Variants in BTBD9 observed in about 807,000 individuals in gnomAD.
BTBD9 encodes BTB domain containing 9.
Under a neutral mutation model 64.3 loss-of-function variants are expected in BTBD9, and 49 were observed. That is an observed-to-expected ratio of 0.76 (90% CI 0.61 to 0.97). The LOEUF is 0.97. BTBD9 is among the 50% of genes least tolerant of loss of function. The pLI, the probability that BTBD9 is intolerant of heterozygous loss-of-function variation, is 0.00. For missense variants in BTBD9, 598 were observed against 762.1 expected, an observed-to-expected ratio of 0.78 and a Z score of 2.53; for synonymous variants, 260 against 274.7, an observed-to-expected ratio of 0.95 and a Z score of 0.53.
chr6:38,475,240 T>C (rs1770826069), intron 6 of BTBD9, among the ~76,000 whole-genome samples: 4 of 152,180 alleles, frequency 2.6e-5, no homozygotes, highest in African/African-American at 7.2e-5. Flanking sequence ...TTATGGGTGA[T>C]TTTTACCATC....
intron 9 of BTBD9, among the ~76,000 whole-genome samples, chr6:38,221,730 C>T (rs993775072): frequency 4.6e-5 from 7 of 152,286 alleles, no homozygotes; most frequent in East Asian, 3.9e-4. Context: ...CGGTGGCTCA[C>T]GCCTGTAATC....
At chr6:38,552,062 G>C (rs1774822465) in intron 6 of BTBD9, among the ~76,000 whole-genome samples, 1 of 152,144 alleles carries the variant, frequency 6.6e-6, no homozygotes, top group Non-Finnish European at 1.5e-5. Context: ...ATCACAAGCT[G>C]AATGAAAATC....
At chr6:38,276,377 T>C (rs1188239479) in intron 8 of BTBD9, among the ~76,000 whole-genome samples, 2 of 151,446 alleles carry the variant, frequency 1.3e-5, no homozygotes, top group African/African-American at 4.8e-5. Context: ...AGGGATAGCA[T>C]TAGGAGATAT....
At chr6:38,281,673 T>C (rs1482069576) in intron 8 of BTBD9, among the ~76,000 whole-genome samples, 3 of 152,176 alleles carry the variant, frequency 2.0e-5, no homozygotes, top group African/African-American at 7.2e-5. Flanking sequence ...ACATATTGCA[T>C]TTATATAATA....
At chr6:38,603,247 C>A (rs1777320221) in intron 1 of BTBD9, among the ~76,000 whole-genome samples, 1 of 152,144 alleles carries the variant, frequency 6.6e-6, no homozygotes, top group Non-Finnish European at 1.5e-5. Context: ...ATTCTGGGAC[C>A]TCATATGAAT....
intron 6 of BTBD9, among the ~76,000 whole-genome samples, chr6:38,530,290 C>T (rs183447735): frequency 6.6e-6 from 1 of 152,290 alleles, no homozygotes; most frequent in East Asian, 1.9e-4. Context: ...ATCAGTGGTT[C>T]TGCTTTTTCC....
At chr6:38,368,391 G>A (rs1765274896) in intron 6 of BTBD9, among the ~76,000 whole-genome samples, 1 of 152,060 alleles carries the variant, frequency 6.6e-6, no homozygotes, top group South Asian at 2.1e-4. Context: ...CTAGAGTGCA[G>A]TGGCGTGATC....
intron 1 of BTBD9, among the ~76,000 whole-genome samples, chr6:38,616,039 T>C (rs1777776420): frequency 6.6e-6 from 1 of 152,168 alleles, no homozygotes; most frequent in South Asian, 2.1e-4. Flanking sequence ...TATAAGAGTC[T>C]TGTAGCTGAC....
chr6:38,459,266 C>A (rs1401855600), intron 6 of BTBD9, among the ~76,000 whole-genome samples: 1 of 152,150 alleles, frequency 6.6e-6, no homozygotes, highest in African/African-American at 2.4e-5. Context: ...TGATCCCCAG[C>A]CTCGGCCTCC....
chr6:38,427,292 C>G (rs1465126940), intron 6 of BTBD9, among the ~76,000 whole-genome samples: 1 of 151,630 alleles, frequency 6.6e-6, no homozygotes, highest in African/African-American at 2.4e-5. Context: ...GAGTTTGAGA[C>G]CAGCCTGGGC....
intron 10 of BTBD9, among the ~76,000 whole-genome samples, chr6:38,188,864 A>C (rs560993172): frequency 1.3e-5 from 2 of 152,306 alleles, no homozygotes; most frequent in Non-Finnish European, 2.9e-5. Context: ...CGCGAAGTGC[A>C]CACACCAAAG....
At chr6:38,402,417 T>C (rs143785783) in intron 6 of BTBD9, among the ~76,000 whole-genome samples, 232 of 151,992 alleles carry the variant, frequency 1.5e-3, no homozygotes, top group Middle Eastern at 3.4e-3. Flanking sequence ...AAGAATCACA[T>C]TTCCTGATTT....
chr6:38,285,631 G>GA (rs1761700635), intron 8 of BTBD9, among the ~76,000 whole-genome samples: 1 of 152,184 alleles, frequency 6.6e-6, no homozygotes, highest in African/African-American at 2.4e-5. Context: ...CATTGGCAAG[G>GA]AGACTGGTCT....
In BTBD9 at chr6:38,256,303, A is replaced by G. The variant is rs1764576747; in HGVS notation, c.1562+106T>C. ...ACTGGAGTGTGTTTTCCACCTCCAAATAAGAATGTAATTTGGCGATTCTAT... is the reference window on the plus strand; with the variant it reads ...ACTGGAGTGTGTTTTCCACCTCCAAGTAAGAATGTAATTTGGCGATTCTAT... On this transcript the variant is annotated intron_variant, in intron 9 of 10. Coordinates refer to ENST00000481247, the MANE Select transcript of BTBD9 (RefSeq NM_001099272.2). 1.7e-5 allele frequency: 13 copies of G among 751,996 alleles called. No individual in the cohort carries two copies. In the South Asian group the frequency reaches 2.1e-4, roughly 12 times the overall value. 46.6% of individuals were successfully genotyped at this position (751,996 alleles called of 1,614,324 possible). A position where few individuals can be genotyped will look rare whatever the true frequency, so the allele number is the denominator to read the frequency against.
chr6:38,235,888 C>A (rs1305729081), intron 9 of BTBD9, among the ~76,000 whole-genome samples: 1 of 152,090 alleles, frequency 6.6e-6, no homozygotes, highest in Non-Finnish European at 1.5e-5. Context: ...ATAGAACACA[C>A]AAGAAACCAA....
intron 4 of BTBD9, among the ~76,000 whole-genome samples, chr6:38,582,155 G>A (rs769861236): frequency 3.7e-4 from 57 of 152,266 alleles, no homozygotes; most frequent in Non-Finnish European, 5.1e-4. Flanking sequence ...TAAAATGGAA[G>A]CAAAAGACTG....
Position 38,173,546 on chromosome 6 carries a change from A to C in BTBD9, c.*1439T>G, listed in dbSNP as rs9462399. 13,671 of 152,286 alleles carry C rather than the reference A, an allele frequency of 0.09. 672 individuals carry two copies. The highest frequency in any genetic ancestry group is 0.11 in the Non-Finnish European group (7,636 of 68,012). 9.4% of individuals were successfully genotyped at this position (152,286 alleles called of 1,614,324 possible). The stretch of plus-strand genomic sequence containing the variant: ...AGTTTGATGCTACCCTACTATTTCC[A>C]TATGGACAAATCACTCAAAATCAAG... On this transcript the variant is annotated 3_prime_UTR_variant, in exon 11 of 11. Coordinates refer to ENST00000481247, the MANE Select transcript of BTBD9 (RefSeq NM_001099272.2).
At chr6:38,457,177 C>G (rs1036078811) in intron 6 of BTBD9, among the ~76,000 whole-genome samples, 3 of 152,148 alleles carry the variant, frequency 2.0e-5, no homozygotes, top group Non-Finnish European at 4.4e-5. Context: ...CAGAGGCAGA[C>G]AGCAAACCAT....
intron 6 of BTBD9, among the ~76,000 whole-genome samples, chr6:38,513,448 A>T (rs1421956049): frequency 6.9e-6 from 1 of 144,880 alleles, no homozygotes; most frequent in Non-Finnish European, 1.5e-5. Context: ...ACTCTGTCTC[A>T]AAAAAAAAAA....
Sources: gnomAD v4.1 joint callset for allele counts (sites outside exome capture counted in the v4.1 genomes callset) on GRCh38, gnomAD v4.1.1 for gene constraint, MANE v1.5 for transcripts, NCBI Gene and HGNC (gene_info 2026-07-23, HGNC 2026-07-21) for gene names.